ATF2: variants seen among roughly 807,000 people sequenced by gnomAD.
ATF2 encodes the protein cyclic AMP-dependent transcription factor ATF-2.
A neutral mutation model predicts 60.6 loss-of-function variants in ATF2; 24 were observed. The observed-to-expected ratio is 0.40, with a 90% confidence interval of 0.29 to 0.56. The LOEUF (loss-of-function observed/expected upper bound fraction) is 0.56, where lower values mean the gene tolerates loss of function less well. ATF2 is among the 20% of genes least tolerant of loss of function. ATF2 has a pLI of 0.54. For synonymous variants in ATF2, 206 were observed against 215.4 expected, an observed-to-expected ratio of 0.96 and a Z score of 0.38; for missense variants, 433 against 607.7, an observed-to-expected ratio of 0.71 and a Z score of 3.02.
At chr2:175,155,210 T>G (rs546290527) in intron 1 of ATF2, among the ~76,000 whole-genome samples, 1 of 152,264 alleles carries the variant, frequency 6.6e-6, no homozygotes, top group East Asian at 1.9e-4. Context: ...GAGCCCTCAT[T>G]CTCCCACTTT....
At position 175,072,787 on chromosome 2, in the gene ATF2, T is replaced by A. The variant is rs939339381; in HGVS notation, c.*1822A>T. 2.6e-5 allele frequency: 4 copies of A among 152,004 alleles called. No homozygotes were observed. The highest frequency in any genetic ancestry group is 4.4e-5 in the Non-Finnish European group (3 of 67,966). 9.4% of individuals were successfully genotyped at this position (152,004 alleles called of 1,614,324 possible). ...AATGAAATTAGTTAAAAATTAAAAA[T>A]TTAAAAAAAATTATCAAATAAAAAT... On this transcript the variant is annotated 3_prime_UTR_variant, in exon 14 of 14. Coordinates refer to ENST00000264110, the MANE Select transcript of ATF2 (RefSeq NM_001880.4).
At chr2:175,154,234 A>AAAATATAT (rs59907964) in intron 1 of ATF2, among the ~76,000 whole-genome samples, 24 of 131,658 alleles carry the variant, frequency 1.8e-4, no homozygotes, top group Middle Eastern at 4.2e-3. Context: ...AGAAAAAAAA[A>AAAATATAT]ATATATATAT....
rs1285706715 is a variant in ATF2, at chr2:175,120,565, G to A, written c.199+879C>T. ...CTCTATACTGATTAATAATTTAAAA[G>A]TATTACAGTATTTGGGTGTAATTCC... On this transcript the variant is annotated intron_variant, in intron 5 of 13. Transcript: ENST00000264110. Among the ~76,000 whole-genome samples the A allele has an allele frequency of 2.0e-5, 3 of 151,628 alleles. No homozygotes were observed. The East Asian group carries it at 5.8e-4, about 29-fold the overall frequency.
At chr2:175,088,670 A>C (rs531256183) in intron 12 of ATF2, among the ~76,000 whole-genome samples, 1 of 152,176 alleles carries the variant, frequency 6.6e-6, no homozygotes, top group East Asian at 2.0e-4. Context: ...CCAAATCCAC[A>C]CAAAAATAAT....
intron 1 of ATF2, among the ~76,000 whole-genome samples, chr2:175,152,049 A>G (rs1044949418): frequency 6.6e-6 from 1 of 152,162 alleles, no homozygotes; most frequent in Non-Finnish European, 1.5e-5. Flanking sequence ...TATGTCCTTT[A>G]TTTCACCATA....
Position 175,081,576 on chromosome 2 carries a change from G to GT in ATF2, c.1186-812dup, listed in dbSNP as rs1186983496. Among the ~76,000 whole-genome samples the GT allele has an allele frequency of 3.3e-5, 5 of 152,236 alleles. No individual in the cohort carries two copies. In the South Asian group the frequency reaches 1.0e-3, roughly 32 times the overall value. On this transcript the variant is annotated intron_variant, in intron 12 of 13. Coordinates refer to ENST00000264110, the MANE Select transcript of ATF2 (RefSeq NM_001880.4). ...GAAATAATATGAATTTAATAAACTGGTAATATAAAAAATTCTTAGCTTACA... is the reference window on the plus strand; with the variant it reads ...GAAATAATATGAATTTAATAAACTGGTTAATATAAAAAATTCTTAGCTTACA...
intron 1 of ATF2, among the ~76,000 whole-genome samples, chr2:175,161,746 T>C (rs796828289): frequency 1.9e-4 from 28 of 146,530 alleles, no homozygotes; most frequent in African/African-American, 6.8e-4. Flanking sequence ...ATGAAATGTA[T>C]AGTTCAGAAA....
intron 5 of ATF2, among the ~76,000 whole-genome samples, chr2:175,120,795 T>C (rs952767175): frequency 1.6e-4 from 25 of 151,684 alleles, no homozygotes; most frequent in African/African-American, 5.8e-4. Flanking sequence ...TGTGTGTGTA[T>C]ATATTTAAAT....
At chr2:175,111,718 C>G (rs1696203448) in intron 9 of ATF2, 64 bp from the exon 10 acceptor site, 1 of 1,362,858 alleles carries the variant, frequency 7.3e-7, no homozygotes, top group East Asian at 2.3e-5. Flanking sequence ...TTGTACTTTA[C>G]TGCTGTTGTA....
intron 2 of ATF2, among the ~76,000 whole-genome samples, chr2:175,143,025 G>T (rs1222407723): frequency 6.6e-6 from 1 of 152,148 alleles, no homozygotes; most frequent in Non-Finnish European, 1.5e-5. Context: ...AAAAGCTGAA[G>T]TTTTCATTGG....
chr2:175,094,191 G>A (rs537810575), intron 11 of ATF2, among the ~76,000 whole-genome samples: 3 of 152,080 alleles, frequency 2.0e-5, no homozygotes, highest in East Asian at 3.9e-4. Context: ...TCAGGAGTTC[G>A]AGACCAGCCT....
Position 175,097,525 on chromosome 2 carries a change from A to G in ATF2, c.897T>C (p.Gly299=), listed in dbSNP as rs1178910129. Residue 299 remains glycine, a synonymous_variant, in exon 11 of 14, where the codon GGT becomes GGC. Transcript: ENST00000264110. ...CTGACTGAGTCCTAACCAATCCGCT[A>G]CCATGACCTTTGACAGTATCACCAT... is the stretch of plus-strand genomic sequence containing the variant. ...VTNGDTVKGH[G]SGLVRTQSEE... is the part of the protein sequence containing the mutation. The G allele has an allele frequency of 6.2e-7, 1 of 1,614,040 alleles. No homozygotes were observed. Among genetic ancestry groups the G allele is most frequent in the East Asian group, 2.2e-5 (1 of 44,896 alleles).
Position 175,141,012 on chromosome 2 carries a change from AAAAAAAAAAAAAAAAAAAATAT to A in ATF2, c.-43-4548_-43-4527del, listed in dbSNP as rs1280772872. Among the ~76,000 whole-genome samples, 124 of 104,968 alleles carry A rather than the reference AAAAAAAAAAAAAAAAAAAATAT, an allele frequency of 1.2e-3. 1 individual carries two copies. Among genetic ancestry groups the A allele is most frequent in the South Asian group, 9.9e-3 (33 of 3,340 alleles). 68.9% of individuals were successfully genotyped at this position (104,968 alleles called of 152,430 possible). A position where few individuals can be genotyped will look rare whatever the true frequency, so the allele number is the denominator to read the frequency against. On this transcript the variant is annotated intron_variant, in intron 2 of 13. Coordinates refer to ENST00000264110, the MANE Select transcript of ATF2 (RefSeq NM_001880.4). ...ACCCTATCTCAGGAAAAAAAAAAAA[AAAAAAAAAAAAAAAAAAAATAT>A]ATATATATATATATATATGTATATA...
At chr2:175,102,243 A>C (rs779415262) in intron 10 of ATF2, among the ~76,000 whole-genome samples, 26 of 152,232 alleles carry the variant, frequency 1.7e-4, no homozygotes, top group Admixed American at 7.2e-4. Context: ...AGATAAAACC[A>C]GAAACTCTAT....
In ATF2 at chr2:175,108,450, CCGGGAGGGAGG is replaced by C. The variant is rs1208317118; in HGVS notation, c.828+3107_828+3117del. Among the ~76,000 whole-genome samples, 553 of 149,934 alleles carry C rather than the reference CCGGGAGGGAGG, an allele frequency of 3.7e-3. 4 individuals carry two copies. Among genetic ancestry groups the C allele is most frequent in the African/African-American group, 0.013 (516 of 40,844 alleles). On this transcript the variant is annotated intron_variant, in intron 10 of 13. Transcript: ENST00000264110. ...GCCCCCGCCCGGCCAGCAGCCCCGT[CCGGGAGGGAGG>C]TGGGGGGTCAGCCCCCGCCCGGCCA...
At chr2:175,090,116 T>C (rs923898867) in intron 12 of ATF2, among the ~76,000 whole-genome samples, 3 of 152,120 alleles carry the variant, frequency 2.0e-5, no homozygotes, top group African/African-American at 7.2e-5. Flanking sequence ...ACCCTCTGTC[T>C]AGTAACAAAA....
intron 7 of ATF2, among the ~76,000 whole-genome samples, chr2:175,116,322 TGTTA>T (rs1395144446): frequency 6.8e-6 from 1 of 147,930 alleles, no homozygotes; most frequent in Non-Finnish European, 1.5e-5. Context: ...TAAAATATGC[TGTTA>T]GTTTCAGTGT....
chr2:175,123,854 A>G (rs999243305), intron 4 of ATF2, among the ~76,000 whole-genome samples: 2 of 152,006 alleles, frequency 1.3e-5, no homozygotes, highest in Non-Finnish European at 2.9e-5. Context: ...ATACAAAAAC[A>G]CTGCAAAAGA....
At chr2:175,109,168 T>TAA (rs66812318) in intron 10 of ATF2, among the ~76,000 whole-genome samples, 3,192 of 82,550 alleles carry the variant, frequency 0.039, 308 homozygotes, top group African/African-American at 0.095. Context: ...GAATGATCAA[T>TAA]AAAAAAAAAA....
Sources: gnomAD v4.1 joint callset for allele counts (sites outside exome capture counted in the v4.1 genomes callset) on GRCh38, gnomAD v4.1.1 for gene constraint, MANE v1.5 for transcripts, NCBI Gene and HGNC (gene_info 2026-07-23, HGNC 2026-07-21) for gene names.